KIRREL3: variants seen among roughly 807,000 people sequenced by gnomAD.
KIRREL3 encodes kin of IRRE-like protein 3.
In KIRREL3, 36 loss-of-function variants were observed where a neutral mutation model predicts 89.7. That is an observed-to-expected ratio of 0.40 (90% CI 0.31 to 0.53). The LOEUF (loss-of-function observed/expected upper bound fraction) is 0.53. KIRREL3 is among the 20% of genes least tolerant of loss of function. The pLI is 0.49. For synonymous variants in KIRREL3, 445 were observed against 441.4 expected (o/e 1.01, Z -0.10); for missense variants, 864 against 1,056.6 (o/e 0.82, Z 2.53).
At position 126,879,250 on chromosome 11, in the gene KIRREL3, C is replaced by T. The variant is rs940788321; in HGVS notation, c.55+121205G>A. Among the ~76,000 whole-genome samples the T allele has an allele frequency of 6.6e-6, 1 of 152,180 alleles. No homozygotes were observed. The highest frequency in any genetic ancestry group is 1.5e-5 in the Non-Finnish European group (1 of 68,032). On this transcript the variant is annotated intron_variant, in intron 1 of 16. Transcript: ENST00000525144. The surrounding 1 kb of genome is among the most constrained non-coding windows in gnomAD (Gnocchi z 5.4). ...CAGCTGTTATGCAAAGAAGCTCTTG[C>T]TCTCAGAGCTGATGTGTTTATTTAG... is the stretch of plus-strand genomic sequence containing the variant.
Position 126,977,232 on chromosome 11 carries a change from C to CT in KIRREL3, c.55+23222dup, listed in dbSNP as rs1591412942. 1.3e-5 allele frequency among the ~76,000 whole-genome samples: 2 copies of CT among 152,074 alleles called. No individual in the cohort carries two copies. The highest frequency in any genetic ancestry group is 2.1e-4 in the South Asian group (1 of 4,820). ...GTGCCCCGCCTGCCATCTTTTGTAC[C>CT]TTTTTTTCAAAACTGAGCTCCTTGG... On this transcript the variant is annotated intron_variant, in intron 1 of 16. Coordinates refer to ENST00000525144, the MANE Select transcript of KIRREL3 (RefSeq NM_032531.4). The surrounding 1 kb of genome is among the most constrained non-coding windows in gnomAD (Gnocchi z 4.7).
At chr11:126,786,436 G>A (rs1439189523) in intron 1 of KIRREL3, among the ~76,000 whole-genome samples, 1 of 151,950 alleles carries the variant, frequency 6.6e-6, no homozygotes, top group East Asian at 1.9e-4. Flanking sequence ...GTTAATTCCT[G>A]TTTCCTAAAG....
intron 2 of KIRREL3, among the ~76,000 whole-genome samples, chr11:126,556,511 C>T (rs775947216): frequency 2.6e-5 from 4 of 152,072 alleles, no homozygotes; most frequent in Non-Finnish European, 5.9e-5. Context: ...CATGGTGGTG[C>T]ATGCTTGTTC....
At chr11:126,702,403 T>C (rs983415533) in intron 1 of KIRREL3, among the ~76,000 whole-genome samples, 1 of 152,200 alleles carries the variant, frequency 6.6e-6, no homozygotes, top group Non-Finnish European at 1.5e-5. Flanking sequence ...CACATCTTCA[T>C]GTGGAGTCGA....
chr11:126,681,493 A>G, intron 1 of KIRREL3, among the ~76,000 whole-genome samples: 1 of 152,092 alleles, frequency 6.6e-6, no homozygotes, highest in East Asian at 1.9e-4. Context: ...CAGTTTATGG[A>G]GGGAGGCAGT....
In KIRREL3 at chr11:126,780,658, A is replaced by T. The variant is rs531913691; in HGVS notation, c.56-217746T>A. Among the ~76,000 whole-genome samples the T allele has an allele frequency of 3.9e-5, 6 of 152,310 alleles. No homozygotes were observed. The South Asian group carries it at 6.2e-4, about 16-fold the overall frequency. Reference sequence around the variant, plus strand: ...CCCAGATGCCCACATCTGGCAACAGATCCATCTCCTTGAGACACAAGCCAG... The same window carrying T: ...CCCAGATGCCCACATCTGGCAACAGTTCCATCTCCTTGAGACACAAGCCAG... On this transcript the variant is annotated intron_variant, in intron 1 of 16. Coordinates refer to ENST00000525144, the MANE Select transcript of KIRREL3 (RefSeq NM_032531.4). The surrounding 1 kb of genome is among the most constrained non-coding windows in gnomAD (Gnocchi z 5.3).
rs1465591176 is a variant in KIRREL3, at chr11:126,564,273, C to T, written c.56-1361G>A. ...TAGACGGAGCGGGTCATTCCTCTTT[C>T]TCCTCTTCCATCCACCGTCTGCAGC... On this transcript the variant is annotated intron_variant, in intron 1 of 16. Transcript: ENST00000525144. The surrounding 1 kb of genome is among the most constrained non-coding windows in gnomAD (Gnocchi z 7.4). 6.6e-6 allele frequency among the ~76,000 whole-genome samples: 1 copy of T among 152,210 alleles called. No homozygotes were observed. Among genetic ancestry groups the T allele is most frequent in the Non-Finnish European group, 1.5e-5 (1 of 68,032 alleles).
Position 126,694,684 on chromosome 11 carries a change from G to A in KIRREL3, c.56-131772C>T, listed in dbSNP as rs906780483. On this transcript the variant is annotated intron_variant, in intron 1 of 16. Transcript: ENST00000525144. This position sits in a 1 kb window ranked among gnomAD's most constrained non-coding sequence, Gnocchi z 4.4. The stretch of plus-strand genomic sequence containing the variant: ...CCTTAGGGCAGGTACTGACTTCTAT[G>A]AGCCACCTTTTTTAAAAAAAATTCT... Among the ~76,000 whole-genome samples, 2 of 152,090 alleles carry A rather than the reference G, an allele frequency of 1.3e-5. No homozygotes were observed. Among genetic ancestry groups the A allele is most frequent in the African/African-American group, 2.4e-5 (1 of 41,414 alleles).
chr11:126,829,349 A>G (rs770502997), intron 1 of KIRREL3, among the ~76,000 whole-genome samples: 5 of 152,248 alleles, frequency 3.3e-5, no homozygotes, highest in Non-Finnish European at 7.3e-5. Flanking sequence ...GTGAAAAAGA[A>G]TCAATTTGCG....
At chr11:126,425,407 G>A (rs1449855945) in intron 16 of KIRREL3, among the ~76,000 whole-genome samples, 1 of 152,178 alleles carries the variant, frequency 6.6e-6, no homozygotes, top group Admixed American at 6.5e-5. Context: ...CTACATGTGA[G>A]GAGGCTGTGG....
In KIRREL3 at chr11:126,956,905, G is replaced by A. The variant is rs543656230; in HGVS notation, c.55+43550C>T. Among the ~76,000 whole-genome samples, 30 of 152,298 alleles carry A rather than the reference G, an allele frequency of 2.0e-4. 1 individual carries two copies. Among genetic ancestry groups the A allele is most frequent in the African/African-American group, 6.7e-4 (28 of 41,568 alleles). ...GTCACCCTTGGTGACACAGAGGCGC[G>A]AAAACAGGTCCAGGATCACCAGGCC... On this transcript the variant is annotated intron_variant, in intron 1 of 16. Transcript: ENST00000525144.
chr11:126,765,957 C>T (rs528291013), intron 1 of KIRREL3, among the ~76,000 whole-genome samples: 1 of 152,258 alleles, frequency 6.6e-6, no homozygotes, highest in South Asian at 2.1e-4. Context: ...TCCACTGTAA[C>T]TTTATGTTAC....
rs954575875 is a variant in KIRREL3, at chr11:126,736,784, G to A, written c.56-173872C>T. Reference sequence around the variant, plus strand: ...AAACCCGGGTGTGGGTAAGGTTAAAGGTCATGCTAATGTCCATGGACAAAG... The same window carrying A: ...AAACCCGGGTGTGGGTAAGGTTAAAAGTCATGCTAATGTCCATGGACAAAG... On this transcript the variant is annotated intron_variant, in intron 1 of 16. Transcript: ENST00000525144. The surrounding 1 kb of genome is among the most constrained non-coding windows in gnomAD (Gnocchi z 5.0). 1.3e-5 allele frequency among the ~76,000 whole-genome samples: 2 copies of A among 152,174 alleles called. No homozygotes were observed. The highest frequency in any genetic ancestry group is 4.8e-5 in the African/African-American group (2 of 41,438).
chr11:126,863,225 A>C (rs1944760466), intron 1 of KIRREL3, among the ~76,000 whole-genome samples: 1 of 152,238 alleles, frequency 6.6e-6, no homozygotes, highest in Admixed American at 6.5e-5. Flanking sequence ...GGAAGACTGG[A>C]GGACTGCTCA....
At chr11:126,590,389 C>T (rs1591787214) in intron 1 of KIRREL3, among the ~76,000 whole-genome samples, 1 of 152,210 alleles carries the variant, frequency 6.6e-6, no homozygotes. Flanking sequence ...GGCTCTTCAG[C>T]CAGCCCTGTC....
chr11:126,684,192 G>C lies in KIRREL3; in HGVS notation c.56-121280C>G, dbSNP rs927723146. ...ATGGGAAGGAGGTGTGTGCAATATGGTGGGAGGAGCCGGGCTGGAGGCTGC... is the reference window on the plus strand; with the variant it reads ...ATGGGAAGGAGGTGTGTGCAATATGCTGGGAGGAGCCGGGCTGGAGGCTGC... On this transcript the variant is annotated intron_variant, in intron 1 of 16. Transcript: ENST00000525144. This position sits in a 1 kb window ranked among gnomAD's most constrained non-coding sequence, Gnocchi z 4.2. Among the ~76,000 whole-genome samples the C allele has an allele frequency of 2.6e-5, 4 of 152,232 alleles. No individual in the cohort carries two copies. Among genetic ancestry groups the C allele is most frequent in the Admixed American group, 6.5e-5 (1 of 15,290 alleles).
Position 126,917,826 on chromosome 11 carries a change from G to A in KIRREL3, c.55+82629C>T, listed in dbSNP as rs1408999010. Among the ~76,000 whole-genome samples, 6 of 152,182 alleles carry A rather than the reference G, an allele frequency of 3.9e-5. No homozygotes were observed. In the South Asian group the frequency reaches 6.2e-4, roughly 16 times the overall value. ...GCATGGACTTTAGAATTGAGGTGGCGTTTCTGAAGAACGAGATGGTAAAAA... is the reference window on the plus strand; with the variant it reads ...GCATGGACTTTAGAATTGAGGTGGCATTTCTGAAGAACGAGATGGTAAAAA... On this transcript the variant is annotated intron_variant, in intron 1 of 16. Coordinates refer to ENST00000525144, the MANE Select transcript of KIRREL3 (RefSeq NM_032531.4). This position sits in a 1 kb window ranked among gnomAD's most constrained non-coding sequence, Gnocchi z 5.0.
rs1333287303 is a variant in KIRREL3, at chr11:126,666,196, G to A, written c.56-103284C>T. 2.0e-5 allele frequency among the ~76,000 whole-genome samples: 3 copies of A among 152,164 alleles called. No individual in the cohort carries two copies. The highest frequency in any genetic ancestry group is 4.8e-5 in the African/African-American group (2 of 41,432). ...ATCTTGGTTCCGCAGGAAGAGTGTG[G>A]ATTCTTGGAATGCAATTGTCATGTG... On this transcript the variant is annotated intron_variant, in intron 1 of 16. Coordinates refer to ENST00000525144, the MANE Select transcript of KIRREL3 (RefSeq NM_032531.4). This position sits in a 1 kb window ranked among gnomAD's most constrained non-coding sequence, Gnocchi z 4.2.
intron 1 of KIRREL3, among the ~76,000 whole-genome samples, chr11:126,937,429 G>T (rs1354326098): frequency 1.3e-5 from 2 of 152,184 alleles, no homozygotes; most frequent in African/African-American, 4.8e-5. Flanking sequence ...AGCAGATGTG[G>T]CAGGCGCTCT....
Sources: gnomAD v4.1 joint callset for allele counts (sites outside exome capture counted in the v4.1 genomes callset) on GRCh38, gnomAD v4.1.1 for gene constraint, Gnocchi (gnomAD v3.1) non-coding constraint, MANE v1.5 for transcripts, NCBI Gene and HGNC (gene_info 2026-07-23, HGNC 2026-07-21) for gene names.